The following EXOC4 variants were observed in gnomAD, a reference collection of about 807,000 sequenced individuals.
The protein encoded by EXOC4 is SEC8-like 1.
EXOC4 carries 71 observed loss-of-function variants against 107.2 expected under a neutral mutation model. The observed-to-expected ratio is 0.66, with a 90% CI of 0.55 to 0.81. The LOEUF (loss-of-function observed/expected upper bound fraction) is 0.81. Ranked by LOEUF, EXOC4 falls within the 30% of genes least tolerant of loss-of-function variation. The pLI, the probability that EXOC4 is intolerant of heterozygous loss-of-function variation, is 0.00. For synonymous variants in EXOC4, 456 were observed against 441.2 expected, an observed-to-expected ratio of 1.03 and a Z score of -0.42; for missense variants, 1,108 against 1,189.6, an observed-to-expected ratio of 0.93 and a Z score of 1.01.
chr7:133,647,109 A>G (rs368879248), intron 10 of EXOC4, among the ~76,000 whole-genome samples: 3 of 152,326 alleles, frequency 2.0e-5, no homozygotes, highest in African/African-American at 7.2e-5. Flanking sequence ...GACGGCACGC[A>G]AACACTGAAT....
chr7:133,666,039 T>C (rs1585064795), intron 10 of EXOC4, among the ~76,000 whole-genome samples: 1 of 152,210 alleles, frequency 6.6e-6, no homozygotes, highest in South Asian at 2.1e-4. Flanking sequence ...CTTTCCCACA[T>C]GCATGACTTT....
chr7:133,781,858 G>T (rs1585140893), intron 10 of EXOC4, among the ~76,000 whole-genome samples: 2 of 152,282 alleles, frequency 1.3e-5, no homozygotes, highest in South Asian at 4.1e-4. Context: ...AGTTTCACCA[G>T]CTGTGAAACA....
In EXOC4 at chr7:133,376,802, A is replaced by G. The variant is rs118071299; in HGVS notation, c.1182+1800A>G. Among the ~76,000 whole-genome samples, 62 of 152,292 alleles carry G rather than the reference A, an allele frequency of 4.1e-4. No homozygotes were observed. The East Asian group carries it at 0.011, about 28-fold the overall frequency. On this transcript the variant is annotated intron_variant, in intron 7 of 17. Coordinates refer to ENST00000253861, the MANE Select transcript of EXOC4 (RefSeq NM_021807.4). ...AAGGTCACACCTTATGAGTAGGGCT[A>G]TTCTAGGAGTAGAAGACAGGCTACT...
At chr7:133,810,564 G>T (rs2551006) in intron 10 of EXOC4, among the ~76,000 whole-genome samples, 1 of 151,810 alleles carries the variant, frequency 6.6e-6, no homozygotes, top group African/African-American at 2.4e-5. Flanking sequence ...ATTTATAAAT[G>T]TTAGAATTTA....
chr7:133,879,716 T>G (rs1798924878), intron 11 of EXOC4, among the ~76,000 whole-genome samples: 1 of 152,208 alleles, frequency 6.6e-6, no homozygotes, highest in South Asian at 2.1e-4. Flanking sequence ...ATTCTAGATT[T>G]TGAAGTATCA....
rs1344203554 is a variant in EXOC4 at position 133,293,664 on chromosome 7, A to C, written c.471+4548A>C. On this transcript the variant is annotated intron_variant, in intron 3 of 17. Coordinates refer to ENST00000253861, the MANE Select transcript of EXOC4 (RefSeq NM_021807.4). Reference sequence around the variant, plus strand: ...TAGCTATAGGCTTGGCTTTTAGGTGAGATATTTGTTTCTTCTTTTGATATG... The same window carrying C: ...TAGCTATAGGCTTGGCTTTTAGGTGCGATATTTGTTTCTTCTTTTGATATG... Among the ~76,000 whole-genome samples the C allele has an allele frequency of 2.0e-5, 3 of 152,178 alleles. 1 individual carries two copies. The East Asian group carries it at 5.8e-4, about 29-fold the overall frequency.
chr7:133,857,872 G>A (rs930963050), intron 11 of EXOC4, among the ~76,000 whole-genome samples: 1 of 152,068 alleles, frequency 6.6e-6, no homozygotes, highest in Admixed American at 6.6e-5. Flanking sequence ...ATCGGGCGTG[G>A]GGGGAGGCAT....
chr7:133,468,623 T>G (rs1008109898), intron 7 of EXOC4, among the ~76,000 whole-genome samples: 1 of 152,094 alleles, frequency 6.6e-6, no homozygotes, highest in Non-Finnish European at 1.5e-5. Context: ...CTTTGAGACA[T>G]CCTCCATTGG....
chr7:133,366,943 GAGTGAAGGAGGCCTA>G (rs1796260752), intron 6 of EXOC4, among the ~76,000 whole-genome samples: 1 of 152,136 alleles, frequency 6.6e-6, no homozygotes, highest in Non-Finnish European at 1.5e-5. Flanking sequence ...CGTGGCAATG[GAGTGAAGGAGGCCTA>G]TTTGAGAGAG....
chr7:133,797,877 T>G (rs965638032), intron 10 of EXOC4, among the ~76,000 whole-genome samples: 6 of 152,212 alleles, frequency 3.9e-5, no homozygotes, highest in African/African-American at 1.4e-4. Flanking sequence ...CCTGCCCTCG[T>G]GGGGCCTGCT....
chr7:133,940,520 G>A (rs181355393), intron 14 of EXOC4, among the ~76,000 whole-genome samples: 13 of 152,294 alleles, frequency 8.5e-5, no homozygotes, highest in Admixed American at 8.5e-4. Context: ...TCAGCATTTT[G>A]AGGATCAGTG....
intron 14 of EXOC4, among the ~76,000 whole-genome samples, chr7:133,949,019 A>G (rs1330966801): frequency 6.6e-6 from 1 of 152,206 alleles, no homozygotes; most frequent in African/African-American, 2.4e-5. Flanking sequence ...CTGTGTGCCT[A>G]ATATAAATGG....
chr7:133,313,238 C>T (rs752328382), intron 4 of EXOC4, among the ~76,000 whole-genome samples: 11 of 150,186 alleles, frequency 7.3e-5, no homozygotes, highest in Non-Finnish European at 1.5e-4. Context: ...TCATTTGAAA[C>T]GATGGCTCTT....
intron 9 of EXOC4, among the ~76,000 whole-genome samples, chr7:133,493,635 G>A (rs868858456): frequency 2.0e-5 from 3 of 151,982 alleles, no homozygotes; most frequent in Admixed American, 6.6e-5. Context: ...TCTTAGAATG[G>A]TCCCTAGAAA....
At chr7:133,650,659 C>T (rs1585054539) in intron 10 of EXOC4, among the ~76,000 whole-genome samples, 1 of 152,208 alleles carries the variant, frequency 6.6e-6, no homozygotes, top group South Asian at 2.1e-4. Context: ...GGAAGTGAAT[C>T]TTATATTAAG....
chr7:133,604,706 C>CCTTCTTTTTT (rs1191856891), intron 9 of EXOC4, among the ~76,000 whole-genome samples: 7 of 87,552 alleles, frequency 8.0e-5, no homozygotes, highest in Admixed American at 2.7e-4. Flanking sequence ...TTCCTTCCTT[C>CCTTCTTTTTT]TTTCTTTTTT....
intron 2 of EXOC4, among the ~76,000 whole-genome samples, chr7:133,281,758 A>G (rs113469596): frequency 0.018 from 2,765 of 150,802 alleles, 87 homozygotes; most frequent in East Asian, 0.16. Context: ...CTGGAGGGCA[A>G]TGATATGATC....
At chr7:133,836,879 G>A (rs1249751290) in intron 11 of EXOC4, among the ~76,000 whole-genome samples, 1 of 151,940 alleles carries the variant, frequency 6.6e-6, no homozygotes, top group Non-Finnish European at 1.5e-5. Context: ...ATTCACCCTG[G>A]AATATAATTG....
At chr7:133,543,309 C>T (rs1406572182) in intron 9 of EXOC4, among the ~76,000 whole-genome samples, 4 of 151,998 alleles carry the variant, frequency 2.6e-5, no homozygotes, top group Non-Finnish European at 5.9e-5. Context: ...ATTCAAGCAT[C>T]GATGATATAA....
Sources: allele counts gnomAD v4.1 joint callset (sites outside exome capture counted in the v4.1 genomes callset), GRCh38; gene constraint gnomAD v4.1.1; transcripts MANE v1.5; gene names NCBI Gene and HGNC (gene_info 2026-07-23, HGNC 2026-07-21).